TMEM117: variants seen among roughly 807,000 people sequenced by gnomAD.
TMEM117 encodes transmembrane protein 117.
TMEM117 carries 27 observed loss-of-function variants against 52.4 expected under a neutral mutation model. The observed-to-expected ratio is 0.51, with a 90% CI of 0.38 to 0.71. TMEM117 has a LOEUF of 0.71. Among genes scored for constraint, TMEM117 ranks in the 30% least tolerant of loss-of-function variants. The pLI, the probability that TMEM117 is intolerant of heterozygous loss-of-function variation, is 0.00. For synonymous variants in TMEM117, 215 were observed against 206.3 expected (o/e 1.04, Z -0.36); for missense variants, 556 against 630.5 (o/e 0.88, Z 1.26).
In TMEM117 at chr12:44,388,266, T is replaced by G. The variant is rs1398940736; in HGVS notation, c.1139T>G (p.Phe380Cys). Residue 380 changes from phenylalanine to cysteine, a missense_variant, in exon 8 of 8, where the codon TTC becomes TGC. Phe to Cys is a radical substitution (Grantham distance 205). Coordinates refer to ENST00000266534, the MANE Select transcript of TMEM117 (RefSeq NM_032256.3). ...TNKTYVEGDM[F>C]LHSRFIGASL... The stretch of plus-strand genomic sequence containing the variant: ...AAAACATATGTTGAGGGAGACATGT[T>G]CTTACACAGCAGGTTCATAGGAGCC... The G allele has an allele frequency of 1.2e-5, 19 of 1,613,474 alleles. No individual in the cohort carries two copies. The highest frequency in any genetic ancestry group is 1.6e-5 in the Non-Finnish European group (19 of 1,179,666).
chr12:44,258,340 T>A (rs1307523054), intron 5 of TMEM117, among the ~76,000 whole-genome samples: 2 of 152,154 alleles, frequency 1.3e-5, no homozygotes, highest in African/African-American at 2.4e-5. Context: ...CGTGGCCTCA[T>A]TGAGTAATGG....
intron 4 of TMEM117, among the ~76,000 whole-genome samples, chr12:44,166,760 C>T (rs570687229): frequency 1.2e-4 from 19 of 152,312 alleles, no homozygotes; most frequent in Non-Finnish European, 2.6e-4. Context: ...TCTTCTTCCT[C>T]TGTGAATGGA....
chr12:43,879,114 A>G lies in TMEM117; in HGVS notation c.277+34186A>G, dbSNP rs144439931. Among the ~76,000 whole-genome samples, 444 of 152,330 alleles carry G rather than the reference A, an allele frequency of 2.9e-3. 6 individuals are homozygous for G. The highest frequency in any genetic ancestry group is 0.01 in the African/African-American group (421 of 41,570). On this transcript the variant is annotated intron_variant, in intron 2 of 7. Transcript: ENST00000266534. ...ATATAGGTAGATAATGGATACACAT[A>G]TGAACAGTTTTATCAAAGGATATAC...
chr12:44,115,848 C>A (rs1268460625), intron 3 of TMEM117, among the ~76,000 whole-genome samples: 1 of 152,136 alleles, frequency 6.6e-6, no homozygotes, highest in African/African-American at 2.4e-5. Context: ...ACAAAGCTAG[C>A]CCTCATACAT....
chr12:44,233,118 G>C (rs1949953196), intron 5 of TMEM117, among the ~76,000 whole-genome samples: 1 of 150,918 alleles, frequency 6.6e-6, no homozygotes, highest in Non-Finnish European at 1.5e-5. Flanking sequence ...TTCTCTCTCT[G>C]TCTTGCCTTA....
At chr12:43,973,963 T>C (rs1198236437) in intron 3 of TMEM117, among the ~76,000 whole-genome samples, 1 of 152,216 alleles carries the variant, frequency 6.6e-6, no homozygotes, top group Non-Finnish European at 1.5e-5. Context: ...ATCTTTTTTG[T>C]CAGTTTAGAT....
chr12:43,820,564 C>A, the TMEM117 span, among the ~76,000 whole-genome samples: 1 of 150,666 alleles, frequency 6.6e-6, no homozygotes, highest in Admixed American at 6.6e-5. Context: ...TGAGCCACCA[C>A]GCCTGGCCAC....
rs1452630543 is a variant in TMEM117 at position 44,211,403 on chromosome 12, A to G, written c.608+16A>G. On this transcript the variant is annotated intron_variant, in intron 5 of 7. Coordinates refer to ENST00000266534, the MANE Select transcript of TMEM117 (RefSeq NM_032256.3). ...CTTTATTCTGGTAGGAAATTGTTTC[A>G]CTTATTTATTTCTGCCTTGCCTCAT... 1 of 1,564,888 alleles carries G rather than the reference A, an allele frequency of 6.4e-7. No homozygotes were observed. Among genetic ancestry groups the G allele is most frequent in the East Asian group, 2.3e-5 (1 of 44,384 alleles).
At chr12:43,806,296 C>T in the TMEM117 span, 4 of 1,437,342 alleles carry the variant, frequency 2.8e-6, no homozygotes, top group Non-Finnish European at 3.7e-6. Context: ...CCAGCGGCCC[C>T]GGCCGGCGGC....
At chr12:44,359,544 T>C (rs2138804365) in intron 6 of TMEM117, among the ~76,000 whole-genome samples, 1 of 152,202 alleles carries the variant, frequency 6.6e-6, no homozygotes, top group African/African-American at 2.4e-5. Flanking sequence ...TTCCATGGAA[T>C]TATAAACCAT....
At chr12:44,326,807 A>G (rs1196598605) in intron 6 of TMEM117, among the ~76,000 whole-genome samples, 1 of 152,196 alleles carries the variant, frequency 6.6e-6, no homozygotes. Context: ...GTGTCGCCCA[A>G]ATGAATGGTT....
At chr12:44,321,482 G>A (rs1380255845) in intron 6 of TMEM117, among the ~76,000 whole-genome samples, 2 of 152,136 alleles carry the variant, frequency 1.3e-5, no homozygotes, top group Non-Finnish European at 2.9e-5. Flanking sequence ...TTCTGAACAT[G>A]GCAGACCCCA....
chr12:44,051,162 A>G (rs903180571), intron 3 of TMEM117, among the ~76,000 whole-genome samples: 1 of 152,190 alleles, frequency 6.6e-6, no homozygotes, highest in Non-Finnish European at 1.5e-5. Context: ...GGAAATGTGT[A>G]TAGACATACA....
chr12:43,845,698 C>T (rs538489864), intron 2 of TMEM117, among the ~76,000 whole-genome samples: 1 of 151,716 alleles, frequency 6.6e-6, no homozygotes, highest in East Asian at 1.9e-4. Context: ...CCCCCTCCCC[C>T]AACCCCATGA....
At chr12:44,089,313 C>G (rs929672139) in intron 3 of TMEM117, among the ~76,000 whole-genome samples, 2 of 152,098 alleles carry the variant, frequency 1.3e-5, no homozygotes, top group Non-Finnish European at 2.9e-5. Flanking sequence ...ATGGTAATAT[C>G]TTCTAAACTG....
chr12:44,084,005 T>A (rs1947526967), intron 3 of TMEM117, among the ~76,000 whole-genome samples: 1 of 152,094 alleles, frequency 6.6e-6, no homozygotes, highest in Non-Finnish European at 1.5e-5. Context: ...TTTCAAAATG[T>A]TATGTGAATT....
At chr12:44,028,016 AC>A (rs1356459070) in intron 3 of TMEM117, among the ~76,000 whole-genome samples, 7 of 151,960 alleles carry the variant, frequency 4.6e-5, no homozygotes, top group Non-Finnish European at 1.0e-4. Context: ...CCATGGTGAA[AC>A]CCCGTCTCTA....
chr12:44,223,259 A>ATT (rs544396572), intron 5 of TMEM117, among the ~76,000 whole-genome samples: 3 of 146,786 alleles, frequency 2.0e-5, no homozygotes, highest in Non-Finnish European at 4.5e-5. Flanking sequence ...GAAGGGAAAG[A>ATT]TTTTTTTTTT....
chr12:44,146,787 G>A (rs1262079060), intron 4 of TMEM117, among the ~76,000 whole-genome samples: 1 of 152,158 alleles, frequency 6.6e-6, no homozygotes, highest in East Asian at 1.9e-4. Flanking sequence ...TCAATGATGA[G>A]GGTGACTGTC....
Sources: allele counts gnomAD v4.1 joint callset (sites outside exome capture counted in the v4.1 genomes callset), GRCh38; gene constraint gnomAD v4.1.1; transcripts MANE v1.5; gene names NCBI Gene and HGNC (gene_info 2026-07-23, HGNC 2026-07-21).